Variants in PLEKHA4 observed in about 807,000 individuals in gnomAD.
PLEKHA4 encodes the protein pleckstrin homology domain containing A4.
Under a neutral mutation model 94.7 loss-of-function variants are expected in PLEKHA4, and 73 were observed. That is an observed-to-expected ratio of 0.77 (90% CI 0.64 to 0.94). The LOEUF (loss-of-function observed/expected upper bound fraction) is 0.94, where lower values mean the gene tolerates loss of function less well. PLEKHA4 is among the 40% of genes least tolerant of loss of function. The pLI is 0.00. For missense variants in PLEKHA4, 1,049 were observed against 1,054.1 expected (o/e 1.00, Z 0.07); for synonymous variants, 449 against 437.1 (o/e 1.03, Z -0.34).
chr19:48,850,254 C>A (rs147015288), intron 13 of PLEKHA4, among the ~76,000 whole-genome samples: 7 of 151,428 alleles, frequency 4.6e-5, no homozygotes, highest in African/African-American at 1.7e-4. Context: ...GCCTGTAATC[C>A]CAGCACTTTG....
intron 12 of PLEKHA4, among the ~76,000 whole-genome samples, chr19:48,852,759 C>A (rs1352417273): frequency 6.6e-6 from 1 of 152,032 alleles, no homozygotes. Flanking sequence ...ATGGTGAAAC[C>A]CCGTCCCTAC....
chr19:48,856,917 G>GAAAAAAA (rs1331180756), intron 9 of PLEKHA4, among the ~76,000 whole-genome samples: 9 of 111,026 alleles, frequency 8.1e-5, no homozygotes, highest in African/African-American at 4.0e-4. Context: ...AAAAAAAAAA[G>GAAAAAAA]AAAGAAAGAA....
chr19:48,850,626 G>A (rs866721347), intron 13 of PLEKHA4, among the ~76,000 whole-genome samples: 48 of 146,892 alleles, frequency 3.3e-4, no homozygotes, highest in African/African-American at 6.5e-4. Flanking sequence ...AAGACCAGCC[G>A]GACCAACATG....
At chr19:48,851,124 A>G (rs8113104) in intron 13 of PLEKHA4, among the ~76,000 whole-genome samples, 26,180 of 152,032 alleles carry the variant, frequency 0.17, 2,414 homozygotes, top group Middle Eastern at 0.23. Context: ...CTGGGCAATA[A>G]AGCGAGACTG....
In PLEKHA4 at chr19:48,851,064, C is replaced by A. The variant is rs1052010864; in HGVS notation, c.1425+1164G>T. 2.0e-5 allele frequency among the ~76,000 whole-genome samples: 3 copies of A among 152,050 alleles called. No homozygotes were observed. The East Asian group carries it at 5.8e-4, about 29-fold the overall frequency. The stretch of plus-strand genomic sequence containing the variant: ...GCTGAGGGAGGAGAATCGTTTGAAC[C>A]TGGGAGGCGGAGGTTGCAGTGAGCC... On this transcript the variant is annotated intron_variant, in intron 13 of 19. Coordinates refer to ENST00000263265, the MANE Select transcript of PLEKHA4 (RefSeq NM_020904.3).
intron 13 of PLEKHA4, among the ~76,000 whole-genome samples, chr19:48,849,045 G>T (rs34879789): frequency 6.6e-6 from 1 of 151,778 alleles, no homozygotes; most frequent in Non-Finnish European, 1.5e-5. Flanking sequence ...GACCACAGGC[G>T]TGCACAACCA....
At chr19:48,847,458 G>C (rs987416835) in intron 14 of PLEKHA4, among the ~76,000 whole-genome samples, 1 of 152,104 alleles carries the variant, frequency 6.6e-6, no homozygotes, top group Non-Finnish European at 1.5e-5. Context: ...CTGGTTGGGC[G>C]AGGTGGCTCA....
chr19:48,867,189 A>G lies in PLEKHA4; in HGVS notation c.84+348T>C, dbSNP rs1016939031. On this transcript the variant is annotated intron_variant, in intron 2 of 19. Transcript: ENST00000263265. The surrounding 1 kb of genome is among the most constrained non-coding windows in gnomAD (Gnocchi z 4.7). The stretch of plus-strand genomic sequence containing the variant: ...CTTATAGGATTTCATTAGTGGGTAG[A>G]TTGGATGGCGAGAGATAGGACAGCA... Among the ~76,000 whole-genome samples the G allele has an allele frequency of 5.9e-5, 9 of 152,062 alleles. No homozygotes were observed. Among genetic ancestry groups the G allele is most frequent in the African/African-American group, 1.7e-4 (7 of 41,420 alleles).
chr19:48,861,608 C>G lies in PLEKHA4; in HGVS notation c.265+12G>C. 1 of 1,614,062 alleles carries G rather than the reference C, an allele frequency of 6.2e-7. No individual in the cohort carries two copies. Among genetic ancestry groups the G allele is most frequent in the East Asian group, 2.2e-5 (1 of 44,872 alleles). On this transcript the variant is annotated intron_variant, in intron 4 of 19. Transcript: ENST00000263265. ...GGCCCTCCCACCCCAAGCCAGCCAG[C>G]CAGCCACTGACCCTTGTAATAAAAG...
chr19:48,852,303 C>G lies in PLEKHA4; in HGVS notation c.1350G>C (p.Thr450=). ...LTQERERVWD[T]YSGLEQELGT... ...CCAGCTCCTGCTCCAGGCCACTGTACGTGTCCCAAACCCTCTCTCGCTCCT... is the reference window on the plus strand; with the variant it reads ...CCAGCTCCTGCTCCAGGCCACTGTAGGTGTCCCAAACCCTCTCTCGCTCCT... The change falls in exon 13 of 20, where the codon ACG becomes ACC. Residue 450 remains threonine, a synonymous_variant. Transcript: ENST00000263265. 1 of 1,614,006 alleles carries G rather than the reference C, an allele frequency of 6.2e-7. No individual in the cohort carries two copies. Among genetic ancestry groups the G allele is most frequent in the East Asian group, 2.2e-5 (1 of 44,860 alleles).
chr19:48,860,327 G>A (rs370244756), intron 6 of PLEKHA4, 23 bp downstream of exon 6: 3 of 1,589,026 alleles, frequency 1.9e-6, no homozygotes, highest in Non-Finnish European at 8.6e-7. Flanking sequence ...AGGGTCAGGA[G>A]CATGGCTTGG....
chr19:48,850,464 A>G (rs917174264), intron 13 of PLEKHA4, among the ~76,000 whole-genome samples: 14 of 152,138 alleles, frequency 9.2e-5, no homozygotes, highest in African/African-American at 3.4e-4. Flanking sequence ...AGATTGTGCC[A>G]CTGCACTCCA....
At chr19:48,862,407 G>A (rs2036678260) in intron 3 of PLEKHA4, among the ~76,000 whole-genome samples, 1 of 151,602 alleles carries the variant, frequency 6.6e-6, no homozygotes, top group Non-Finnish European at 1.5e-5. Context: ...CACTATGTTG[G>A]CCAGGCTGGT....
rs1382970564 is a variant in PLEKHA4, at chr19:48,837,406, A to G, written c.2223T>C (p.Arg741=). Residue 741 remains arginine (R), a synonymous_variant, in exon 20 of 20, where the codon CGT becomes CGC. Transcript: ENST00000263265. The surrounding 1 kb of genome is among the most constrained non-coding windows in gnomAD (Gnocchi z 4.3). ...STGFSRRGSG[R]GGGPTPWGPA... ...GCCCCCAGGGGGTGGGACCTCCTCC[A>G]CGCCCACTCCCTCGGCGAGAGAACC... 4 of 1,612,972 alleles carry G rather than the reference A, an allele frequency of 2.5e-6. No individual in the cohort carries two copies. The African/African-American group carries it at 5.4e-5, about 22-fold the overall frequency.
At position 48,839,220 on chromosome 19, in the gene PLEKHA4, G is replaced by C. The variant is rs755197018; in HGVS notation, c.1949C>G (p.Ser650Cys). Residue 650 changes from serine (S) to cysteine (C), a missense_variant, in exon 18 of 20, where the codon TCT (serine) becomes TGT (cysteine). Transcript: ENST00000263265. ...AGTTCCTTACCTACTCCAGGACCCA[G>C]AGCTTCTGAGCCATTTCTGGGCTCC... Reference protein sequence around the residue: ...HSGAQKWLRSSGSWSSPRNTT... With the variant: ...HSGAQKWLRSCGSWSSPRNTT... 1 of 1,597,646 alleles carries C rather than the reference G, an allele frequency of 6.3e-7. No individual in the cohort carries two copies. The highest frequency in any genetic ancestry group is 8.6e-7 in the Non-Finnish European group (1 of 1,169,568).
intron 14 of PLEKHA4, among the ~76,000 whole-genome samples, chr19:48,846,169 T>A (rs2035962689): frequency 1.3e-5 from 2 of 149,704 alleles, no homozygotes; most frequent in South Asian, 4.3e-4. Flanking sequence ...AAAAACTTTT[T>A]AAGGCTGGGC....
chr19:48,858,313 C>T (rs2036500480), intron 8 of PLEKHA4, among the ~76,000 whole-genome samples: 1 of 152,046 alleles, frequency 6.6e-6, no homozygotes, highest in Admixed American at 6.6e-5. Context: ...GACTACAATC[C>T]CCATGATGCT....
chr19:48,861,603 G>T lies in PLEKHA4; in HGVS notation c.265+17C>A. On this transcript the variant is annotated intron_variant, in intron 4 of 19. Coordinates refer to ENST00000263265, the MANE Select transcript of PLEKHA4 (RefSeq NM_020904.3). The stretch of plus-strand genomic sequence containing the variant: ...GGGGGGGCCCTCCCACCCCAAGCCA[G>T]CCAGCCAGCCACTGACCCTTGTAAT... 1 of 1,613,952 alleles carries T rather than the reference G, an allele frequency of 6.2e-7. No individual in the cohort carries two copies.
intron 16 of PLEKHA4, among the ~76,000 whole-genome samples, chr19:48,844,884 A>G (rs918017924): frequency 3.0e-5 from 4 of 132,704 alleles, no homozygotes; most frequent in African/African-American, 1.2e-4. Context: ...GTGTGATCTC[A>G]GCTCACTGCA....
Sources: allele counts gnomAD v4.1 joint callset (sites outside exome capture counted in the v4.1 genomes callset), GRCh38; gene constraint gnomAD v4.1.1; non-coding constraint Gnocchi (gnomAD v3.1); transcripts MANE v1.5; gene names NCBI Gene and HGNC (gene_info 2026-07-23, HGNC 2026-07-21).